SLC4A4: variants seen among roughly 807,000 people sequenced by gnomAD.
The protein encoded by SLC4A4 is solute carrier family 4 member 4, also known as electrogenic sodium bicarbonate cotransporter 1.
In SLC4A4, 27 loss-of-function variants were observed where a neutral mutation model predicts 111.5. The ratio of observed to expected loss-of-function variants is 0.24; its 90% confidence interval spans 0.18 to 0.33. The LOEUF (loss-of-function observed/expected upper bound fraction) is 0.33, where lower values mean the gene tolerates loss of function less well. SLC4A4 is among the 10% of genes least tolerant of loss of function. The probability of loss-of-function intolerance (pLI) is 1.00; values close to 1 mark genes in which losing one functional copy is unlikely to be tolerated. For synonymous variants in SLC4A4, 443 were observed against 463.4 expected, an observed-to-expected ratio of 0.96 and a Z score of 0.57; for missense variants, 909 against 1,315.5, an observed-to-expected ratio of 0.69 and a Z score of 4.78.
chr4:71,232,546 G>A (rs1046649345), intron 1 of SLC4A4, among the ~76,000 whole-genome samples: 2 of 151,988 alleles, frequency 1.3e-5, no homozygotes, highest in African/African-American at 4.8e-5. Context: ...CACGTAGCTG[G>A]GACAACAGGT....
upstream of SLC4A4, chr4:71,187,178 A>C (rs1046772974): frequency 6.6e-6 from 1 of 151,750 alleles, no homozygotes. Context: ...CGCCCGGCGC[A>C]GACAACTTCC....
At position 71,440,791 on chromosome 4, in the gene SLC4A4, C is replaced by T; in HGVS notation, c.965+18C>T. ...CCCACAAGGTAAGCTGCTCTCCTAC[C>T]TGGGGTCTACAATGTGCTAATAGGG... On this transcript the variant is annotated intron_variant, in intron 8 of 25. Coordinates refer to ENST00000264485, the MANE Select transcript of SLC4A4 (RefSeq NM_001098484.3). The T allele has an allele frequency of 6.2e-7, 1 of 1,613,558 alleles. No individual in the cohort carries two copies. Among genetic ancestry groups the T allele is most frequent in the Non-Finnish European group, 8.5e-7 (1 of 1,179,826 alleles).
chr4:71,501,170 C>G (rs1463394054), intron 16 of SLC4A4, among the ~76,000 whole-genome samples: 1 of 152,068 alleles, frequency 6.6e-6, no homozygotes, highest in African/African-American at 2.4e-5. Flanking sequence ...AGCACATTCA[C>G]CTCCCTGGTT....
intron 7 of SLC4A4, among the ~76,000 whole-genome samples, chr4:71,401,604 TG>T (rs1169134128): frequency 6.6e-6 from 1 of 152,148 alleles, no homozygotes; most frequent in East Asian, 1.9e-4. Flanking sequence ...AATTTACATG[TG>T]AGGTGGGTGC....
intron 3 of SLC4A4, among the ~76,000 whole-genome samples, chr4:71,264,014 T>A (rs1430749677): frequency 6.6e-6 from 1 of 152,152 alleles, no homozygotes; most frequent in African/African-American, 2.4e-5. Context: ...AGGTTACTTA[T>A]GGCAGTGATA....
intron 7 of SLC4A4, among the ~76,000 whole-genome samples, chr4:71,408,339 T>C (rs184900312): frequency 1.3e-5 from 2 of 152,340 alleles, no homozygotes; most frequent in African/African-American, 4.8e-5. Flanking sequence ...CTGCTTTTTC[T>C]ACTGAGTTGT....
chr4:71,258,993 G>A (rs2579332), intron 3 of SLC4A4, among the ~76,000 whole-genome samples: 7 of 152,162 alleles, frequency 4.6e-5, no homozygotes, highest in Non-Finnish European at 7.3e-5. Flanking sequence ...AGCTGGCACC[G>A]TGGCACATGC....
intron 3 of SLC4A4, among the ~76,000 whole-genome samples, chr4:71,289,075 C>A (rs999716563): frequency 6.6e-6 from 1 of 152,080 alleles, no homozygotes; most frequent in Non-Finnish European, 1.5e-5. Flanking sequence ...CTGGGAGTAG[C>A]ACTGAGCAAA....
intron 2 of SLC4A4, among the ~76,000 whole-genome samples, chr4:71,123,730 C>T (rs1560731932): frequency 6.6e-6 from 1 of 152,112 alleles, no homozygotes; most frequent in African/African-American, 2.4e-5. Flanking sequence ...GGTCTGTGAA[C>T]AAGAAGAATG....
chr4:71,354,513 G>T (rs1730112857), intron 5 of SLC4A4, among the ~76,000 whole-genome samples: 1 of 152,020 alleles, frequency 6.6e-6, no homozygotes, highest in South Asian at 2.1e-4. Context: ...ACATCATGGG[G>T]GTTGATTCAA....
At chr4:71,421,636 C>G (rs1228322644) in intron 7 of SLC4A4, among the ~76,000 whole-genome samples, 1 of 152,216 alleles carries the variant, frequency 6.6e-6, no homozygotes, top group African/African-American at 2.4e-5. Context: ...AACAAACGAT[C>G]TCTCAGACCA....
At chr4:71,343,709 C>T (rs895064029) in intron 4 of SLC4A4, among the ~76,000 whole-genome samples, 1 of 152,232 alleles carries the variant, frequency 6.6e-6, no homozygotes, top group Non-Finnish European at 1.5e-5. Context: ...TCATTTCTCA[C>T]TGAGATTGCT....
At chr4:71,329,832 T>C (rs1292341434) in intron 3 of SLC4A4, among the ~76,000 whole-genome samples, 2 of 152,158 alleles carry the variant, frequency 1.3e-5, no homozygotes, top group Admixed American at 1.3e-4. Flanking sequence ...TTGCTCTTGC[T>C]AGGACTTCTA....
At position 71,187,417 on chromosome 4, in the gene SLC4A4, C is replaced by T. The variant is rs963567812; in HGVS notation, c.-2+16C>T. On this transcript the variant is annotated intron_variant, in intron 1 of 25. Transcript: ENST00000264485. ...ACCCCAGGAGGTGAGCGCCCGGCCCCGGCAGCTGCCGGGAGGGTCGATGGG... is the reference window on the plus strand; with the variant it reads ...ACCCCAGGAGGTGAGCGCCCGGCCCTGGCAGCTGCCGGGAGGGTCGATGGG... 2 of 152,088 alleles carry T rather than the reference C, an allele frequency of 1.3e-5. No individual in the cohort carries two copies. Among genetic ancestry groups the T allele is most frequent in the Non-Finnish European group, 2.9e-5 (2 of 68,026 alleles). The allele number at this position is 152,088 out of a possible 1,614,324, so 9.4% of individuals were successfully genotyped here.
chr4:71,420,860 G>A (rs1310294340), intron 7 of SLC4A4, among the ~76,000 whole-genome samples: 13 of 148,716 alleles, frequency 8.7e-5, no homozygotes, highest in Admixed American at 1.4e-4. Flanking sequence ...AGGAACAACC[G>A]GTACCAGCCG....
In SLC4A4 at chr4:71,560,263, C is replaced by A. The variant is rs374849242; in HGVS notation, c.3099+9C>A. The A allele has an allele frequency of 6.2e-7, 1 of 1,600,266 alleles. No homozygotes were observed. The highest frequency in any genetic ancestry group is 1.1e-5 in the South Asian group (1 of 90,234). ...ACAGTGACAATGATGATGTAAGGAA[C>A]TTTCCAAATTCCAAAGGAAAGCTAG... On this transcript the variant is annotated intron_variant, in intron 23 of 25. Transcript: ENST00000264485.
intron 6 of SLC4A4, among the ~76,000 whole-genome samples, chr4:71,387,815 C>A (rs1373406660): frequency 6.6e-6 from 1 of 152,040 alleles, no homozygotes; most frequent in Non-Finnish European, 1.5e-5. Flanking sequence ...AATTTGGATG[C>A]CTCATCAAAT....
At chr4:71,257,100 C>T in intron 3 of SLC4A4, among the ~76,000 whole-genome samples, 1 of 152,174 alleles carries the variant, frequency 6.6e-6, no homozygotes, top group Non-Finnish European at 1.5e-5. Flanking sequence ...CAGGAAGATG[C>T]TGAGACCGCA....
At chr4:71,086,916 T>C (rs1742194579) in intron 1 of SLC4A4, among the ~76,000 whole-genome samples, 1 of 152,078 alleles carries the variant, frequency 6.6e-6, no homozygotes, top group Non-Finnish European at 1.5e-5. Flanking sequence ...GGTGCTGGCC[T>C]CACAAAATGA....
Sources: gnomAD v4.1 joint callset for allele counts (sites outside exome capture counted in the v4.1 genomes callset) on GRCh38, gnomAD v4.1.1 for gene constraint, MANE v1.5 for transcripts, NCBI Gene and HGNC (gene_info 2026-07-23, HGNC 2026-07-21) for gene names.